Variants in RACGAP1 observed in about 807,000 individuals in gnomAD.
RACGAP1 encodes the protein Rac GTPase activating protein 1.
RACGAP1 carries 30 observed loss-of-function variants against 78.1 expected under a neutral mutation model. The observed-to-expected ratio is 0.38, with a 90% CI of 0.29 to 0.52. The LOEUF is 0.52. Among genes scored for constraint, RACGAP1 ranks in the 20% least tolerant of loss-of-function variants. The probability of loss-of-function intolerance (pLI) is 0.82; values close to 1 mark genes in which losing one functional copy is unlikely to be tolerated. For missense variants in RACGAP1, 587 were observed against 777.1 expected, an observed-to-expected ratio of 0.76 and a Z score of 2.91; for synonymous variants, 231 against 264.8, an observed-to-expected ratio of 0.87 and a Z score of 1.24.
chr12:50,014,678 TC>T (rs2137577143), intron 2 of RACGAP1, among the ~76,000 whole-genome samples: 1 of 152,036 alleles, frequency 6.6e-6, no homozygotes, highest in South Asian at 2.1e-4. Context: ...CACCTCAGCC[TC>T]CCAGGTAGCT....
intron 3 of RACGAP1, among the ~76,000 whole-genome samples, chr12:50,005,720 C>A (rs1948935127): frequency 6.6e-6 from 1 of 152,168 alleles, no homozygotes; most frequent in Admixed American, 6.5e-5. Context: ...GTCATTTTAT[C>A]AGGACAAATA....
rs556571564 is a variant in RACGAP1, at chr12:50,031,199, G to A, written c.-24+498C>T. Among the ~76,000 whole-genome samples the A allele has an allele frequency of 1.1e-4, 17 of 151,754 alleles. No homozygotes were observed. The South Asian group carries it at 1.9e-3, about 17-fold the overall frequency. On this transcript the variant is annotated intron_variant, in intron 2 of 3. Coordinates refer to the RACGAP1 transcript ENST00000548247. ...TTCTAATAAAGACTAAAATTCTGCC[G>A]TGCGCGGTGGCTCACACCTGTAATC...
chr12:50,005,289 C>T lies in RACGAP1; in HGVS notation c.392G>A (p.Gly131Asp). The T allele has an allele frequency of 6.8e-6, 11 of 1,614,186 alleles. No homozygotes were observed. Among genetic ancestry groups the T allele is most frequent in the Non-Finnish European group, 9.3e-6 (11 of 1,180,014 alleles). Residue 131 changes from glycine (G) to aspartate (D), a missense_variant, in exon 4 of 17, where the codon GGC becomes GAC. Gly to Asp is a moderately conservative substitution (Grantham distance 94). Coordinates refer to ENST00000312377, the MANE Select transcript of RACGAP1 (RefSeq NM_001319999.2). ...QKSALAFLNR[G>D]QPSSSNAGNK... Reference sequence around the variant, plus strand: ...CCCAGCATTGCTGCTGGATGGTTGGCCTCTGTTGAGAAAAGCCAGAGCTGA... The same window carrying T: ...CCCAGCATTGCTGCTGGATGGTTGGTCTCTGTTGAGAAAAGCCAGAGCTGA...
intron 1 of RACGAP1, among the ~76,000 whole-genome samples, chr12:50,023,733 A>AAAAAAG (rs900395824): frequency 6.6e-4 from 100 of 152,242 alleles, no homozygotes; most frequent in Non-Finnish European, 1.2e-3. Context: ...ACTCCTTCTC[A>AAAAAAG]AAAAAGAAAA....
intron 2 of RACGAP1, among the ~76,000 whole-genome samples, chr12:50,012,049 G>A (rs1426079237): frequency 2.0e-5 from 3 of 150,854 alleles, no homozygotes; most frequent in East Asian, 2.0e-4. Flanking sequence ...GATTGCTTGA[G>A]CCCAGGAGTT....
chr12:50,019,007 C>CT (rs1949844541), intron 1 of RACGAP1, among the ~76,000 whole-genome samples: 2 of 152,072 alleles, frequency 1.3e-5, no homozygotes, highest in African/African-American at 4.8e-5. Flanking sequence ...ATCAACTACG[C>CT]TACTCACTGA....
chr12:50,009,916 C>T (rs983313365), intron 2 of RACGAP1, among the ~76,000 whole-genome samples: 1 of 152,160 alleles, frequency 6.6e-6, no homozygotes, highest in Admixed American at 6.6e-5. Flanking sequence ...CTAAATTTTT[C>T]TAGATTACCC....
Position 49,989,678 on chromosome 12 carries a change from A to G in RACGAP1, c.*590T>C, listed in dbSNP as rs775359109. 6.6e-6 allele frequency: 1 copy of G among 152,298 alleles called. No homozygotes were observed. Among genetic ancestry groups the G allele is most frequent in the Non-Finnish European group, 1.5e-5 (1 of 68,106 alleles). 9.4% of individuals were successfully genotyped at this position (152,298 alleles called of 1,614,324 possible). A position where few individuals can be genotyped will look rare whatever the true frequency, so the allele number is the denominator to read the frequency against. On this transcript the variant is annotated 3_prime_UTR_variant, in exon 17 of 17. Transcript: ENST00000312377. ...AGACCTAATCATCCAAATCAAAGCT[A>G]CGCATACTCCCATCACTAGTTCTGT...
chr12:50,009,133 G>A (rs1005927983), intron 2 of RACGAP1, among the ~76,000 whole-genome samples: 2 of 151,570 alleles, frequency 1.3e-5, no homozygotes, highest in African/African-American at 2.4e-5. Context: ...AATTAGCTGG[G>A]TGTGGTGGTG....
intron 7 of RACGAP1, among the ~76,000 whole-genome samples, 167 bp from the exon 8 acceptor site, chr12:49,999,900 G>A (rs980606674): frequency 4.6e-5 from 7 of 152,098 alleles, no homozygotes; most frequent in Non-Finnish European, 7.4e-5. Flanking sequence ...CGCCCAGGCT[G>A]GAGAACAGTG....
chr12:49,994,147 G>A lies in RACGAP1; in HGVS notation c.1323C>T (p.Ala441=), dbSNP rs760994145. 1.2e-6 allele frequency: 2 copies of A among 1,612,688 alleles called. No individual in the cohort carries two copies. Among genetic ancestry groups the A allele is most frequent in the South Asian group, 2.2e-5 (2 of 91,020 alleles). ...EPLLTFRLNR[A]FMEAAEITDE... The stretch of plus-strand genomic sequence containing the variant: ...TGCCCTTACCTGCTGCTTCCATAAA[G>A]GCTCTGTTAAGGCGAAAGGTCAGAA... The change falls in exon 12 of 17, where the codon GCC becomes GCT. Residue 441 remains alanine, a synonymous_variant. Transcript: ENST00000312377.
At chr12:50,000,788 G>A (rs1288246051) in intron 7 of RACGAP1, among the ~76,000 whole-genome samples, 1 of 152,146 alleles carries the variant, frequency 6.6e-6, no homozygotes, top group Non-Finnish European at 1.5e-5. Flanking sequence ...GGAGGCTCAC[G>A]CCTGTAATCC....
rs149463229 is a variant in RACGAP1 at position 49,999,852 on chromosome 12, C to A, written c.631-119G>T. On this transcript the variant is annotated intron_variant, in intron 7 of 16. Transcript: ENST00000312377. ...CTTAGTCAAGACTTAAGACCCCAGT[C>A]TGATACTTTTTTTTTGAGACAGAGT... The A allele has an allele frequency of 5.6e-4, 414 of 736,070 alleles. 6 individuals carry two copies. The East Asian group carries it at 0.011, about 19-fold the overall frequency. 45.6% of individuals were successfully genotyped at this position (736,070 alleles called of 1,614,324 possible).
chr12:50,022,187 C>G (rs1380560519), intron 1 of RACGAP1, among the ~76,000 whole-genome samples: 1 of 152,188 alleles, frequency 6.6e-6, no homozygotes, highest in Non-Finnish European at 1.5e-5. Flanking sequence ...TGAAGCCTTC[C>G]CTAACCATTT....
chr12:49,992,463 C>T (rs1947958346), intron 13 of RACGAP1, 86 bp from the exon 14 acceptor site: 2 of 1,581,908 alleles, frequency 1.3e-6, no homozygotes, highest in African/African-American at 1.4e-5. Context: ...ACAATTCATC[C>T]CTCATACTCC....
intron 8 of RACGAP1, 23 bp from the exon 9 acceptor site, chr12:49,999,294 G>A: frequency 6.3e-7 from 1 of 1,588,618 alleles, no homozygotes; most frequent in Non-Finnish European, 8.5e-7. Flanking sequence ...CAACTTTTAA[G>A]CTTTGTGTCT....
intron 2 of RACGAP1, among the ~76,000 whole-genome samples, chr12:50,031,468 G>C (rs1429380681): frequency 1.1e-5 from 1 of 91,512 alleles, no homozygotes; most frequent in Admixed American, 1.8e-4. Flanking sequence ...AACAGAGCAA[G>C]ACTCCATCTC....
At chr12:50,016,287 A>G (rs1284728661) in intron 2 of RACGAP1, among the ~76,000 whole-genome samples, 1 of 152,062 alleles carries the variant, frequency 6.6e-6, no homozygotes, top group African/African-American at 2.4e-5. Context: ...AGAGGCTGAG[A>G]CAAGGAATCG....
chr12:50,018,851 TA>T (rs1565702065), intron 1 of RACGAP1, among the ~76,000 whole-genome samples: 6 of 151,422 alleles, frequency 4.0e-5, no homozygotes, highest in Admixed American at 1.3e-4. Flanking sequence ...TTTTTTTTTT[TA>T]ATTTTTTGAG....
Sources: allele counts gnomAD v4.1 joint callset (sites outside exome capture counted in the v4.1 genomes callset), GRCh38; gene constraint gnomAD v4.1.1; transcripts MANE v1.5; gene names NCBI Gene and HGNC (gene_info 2026-07-23, HGNC 2026-07-21).